Variants in FAM193A observed in about 807,000 individuals in gnomAD.
FAM193A encodes protein FAM193A.
A neutral mutation model predicts 126.5 loss-of-function variants in FAM193A; 22 were observed. The observed-to-expected ratio is 0.17, with a 90% CI of 0.12 to 0.25. The LOEUF is 0.25. Among genes scored for constraint, FAM193A ranks in the 10% least tolerant of loss-of-function variants. FAM193A has a pLI of 1.00. For missense variants in FAM193A, 1,675 were observed against 1,672.8 expected, an observed-to-expected ratio of 1.00 and a Z score of -0.02; for synonymous variants, 761 against 646.8, an observed-to-expected ratio of 1.18 and a Z score of -2.68.
chr4:2,696,184 CT>C (rs1342966366), intron 17 of FAM193A, 178 bp from the exon 18 acceptor site: 4 of 551,406 alleles, frequency 7.3e-6, no homozygotes, highest in Non-Finnish European at 3.2e-6. Flanking sequence ...CAAAATGCCA[CT>C]TTTGGGTGAC....
intron 1 of FAM193A, among the ~76,000 whole-genome samples, chr4:2,544,677 C>G (rs1299085683): frequency 6.6e-6 from 1 of 152,010 alleles, no homozygotes; most frequent in African/African-American, 2.4e-5. Flanking sequence ...GCACTCCAGA[C>G]TGGGTGACAG....
intron 1 of FAM193A, among the ~76,000 whole-genome samples, chr4:2,589,989 G>T (rs1262953703): frequency 6.6e-6 from 1 of 151,812 alleles, no homozygotes; most frequent in Non-Finnish European, 1.5e-5. Context: ...ACAAAAACTA[G>T]CCGGGCATGG....
intron 6 of FAM193A, among the ~76,000 whole-genome samples, chr4:2,643,829 G>A (rs1011994630): frequency 3.9e-5 from 6 of 152,200 alleles, no homozygotes; most frequent in Admixed American, 2.6e-4. Context: ...AGGCCAAGGC[G>A]TAGGCGGGGG....
At position 2,540,758 on chromosome 4, in the gene FAM193A, C is replaced by T. The variant is rs564068009; in HGVS notation, c.255+3588C>T. Among the ~76,000 whole-genome samples the T allele has an allele frequency of 2.6e-5, 4 of 151,740 alleles. No individual in the cohort carries two copies. The South Asian group carries it at 8.4e-4, about 32-fold the overall frequency. On this transcript the variant is annotated intron_variant, in intron 1 of 20. Coordinates refer to ENST00000637812, the MANE Select transcript of FAM193A (RefSeq NM_001366318.2). ...GGTGGATCACCTGAGGTTAGGAGTT[C>T]CAGACCAGCCTGGCCAATGTGATGA... is the stretch of plus-strand genomic sequence containing the variant.
chr4:2,537,123 G>A lies in FAM193A; in HGVS notation c.208G>A (p.Gly70Ser), dbSNP rs933028082. 5.5e-6 allele frequency: 1 copy of A among 181,276 alleles called. No homozygotes were observed. Among genetic ancestry groups the A allele is most frequent in the Admixed American group, 6.4e-5 (1 of 15,602 alleles). 11.2% of individuals were successfully genotyped at this position (181,276 alleles called of 1,614,324 possible). The change falls in exon 1 of 21, where the codon GGC becomes AGC. Residue 70 changes from glycine to serine, a missense_variant. Around this residue, in one of 4 missense-constraint regions of FAM193A, gnomAD observed 1,186 missense variants for 1,109.2 expected, o/e 1.07. Coordinates refer to ENST00000637812, the MANE Select transcript of FAM193A (RefSeq NM_001366318.2). ...CGCGGCGGCGGCCAACGGGCCTCTC[G>A]GCGCGGGCGCGAGCGCGGGCGGCGC... ...GGAAAANGPL[G>S]AGASAGGAAP...
At chr4:2,621,215 T>C (rs1241773945) in intron 2 of FAM193A, among the ~76,000 whole-genome samples, 5 of 152,112 alleles carry the variant, frequency 3.3e-5, no homozygotes. Context: ...CCTCCACCCA[T>C]AGGACCACAC....
intron 1 of FAM193A, among the ~76,000 whole-genome samples, chr4:2,574,259 CT>C (rs1043736763): frequency 6.6e-6 from 1 of 151,974 alleles, no homozygotes; most frequent in African/African-American, 2.4e-5. Flanking sequence ...CGAGGGGTCT[CT>C]TCTGTGGAAC....
intron 2 of FAM193A, among the ~76,000 whole-genome samples, chr4:2,597,485 T>A (rs1474919103): frequency 6.6e-6 from 1 of 152,170 alleles, no homozygotes; most frequent in East Asian, 1.9e-4. Context: ...GGAACAGGCT[T>A]CTGCTGTTTG....
At chr4:2,641,368 C>T (rs1455514874) in intron 6 of FAM193A, among the ~76,000 whole-genome samples, 2 of 151,820 alleles carry the variant, frequency 1.3e-5, no homozygotes, top group Non-Finnish European at 2.9e-5. Flanking sequence ...TCTTAAAATC[C>T]GTATATTAGG....
intron 6 of FAM193A, 33 bp downstream of exon 6, chr4:2,639,892 G>A (rs1373156499): frequency 3.7e-6 from 6 of 1,601,674 alleles, no homozygotes; most frequent in Non-Finnish European, 5.1e-6. Flanking sequence ...TGTCTTTGTG[G>A]TGTGACAGCA....
chr4:2,535,536 G>C (rs1736830741), upstream of FAM193A, among the ~76,000 whole-genome samples: 1 of 152,242 alleles, frequency 6.6e-6, no homozygotes, highest in Admixed American at 6.5e-5. Context: ...TCTGTGGTAA[G>C]CGGGGCCCTC....
chr4:2,659,749 TAGAG>T (rs1712179831), intron 9 of FAM193A, 59 bp from the exon 10 acceptor site: 2 of 1,613,654 alleles, frequency 1.2e-6, no homozygotes, highest in African/African-American at 1.3e-5. Flanking sequence ...AACCGACCCT[TAGAG>T]AGCATGGTCT....
At chr4:2,618,572 T>A (rs1742345679) in intron 2 of FAM193A, among the ~76,000 whole-genome samples, 1 of 141,304 alleles carries the variant, frequency 7.1e-6, no homozygotes, top group Admixed American at 7.1e-5. Context: ...GGATTATAGG[T>A]GCCCGCCACC....
At chr4:2,695,982 C>T (rs897097685) in intron 17 of FAM193A, among the ~76,000 whole-genome samples, 1 of 151,974 alleles carries the variant, frequency 6.6e-6, no homozygotes, top group East Asian at 1.9e-4. Context: ...GAGCTATGAT[C>T]GCACCACTGC....
At chr4:2,691,136 A>G (rs943950731) in intron 15 of FAM193A, among the ~76,000 whole-genome samples, 166 bp downstream of exon 15, 2 of 152,206 alleles carry the variant, frequency 1.3e-5, no homozygotes, top group African/African-American at 4.8e-5. Context: ...CTGATCCCCT[A>G]GGACTTTGAT....
chr4:2,668,830 C>CTTTTCTTTTCCTTTTTCTTTTCCT (rs527253828), intron 12 of FAM193A, among the ~76,000 whole-genome samples: 6 of 141,752 alleles, frequency 4.2e-5, no homozygotes, highest in Admixed American at 1.4e-4. Flanking sequence ...TTTCCTTTTC[C>CTTTTCTTTTCCTTTTTCTTTTCCT]TTTTCTTTTC....
intron 2 of FAM193A, among the ~76,000 whole-genome samples, chr4:2,616,944 G>A (rs1447182809): frequency 1.4e-5 from 2 of 146,074 alleles, no homozygotes; most frequent in African/African-American, 4.9e-5. Context: ...TGAGGCGGGC[G>A]GATTACCCAA....
At chr4:2,700,655 C>G in intron 19 of FAM193A, 111 bp downstream of exon 19, 2 of 1,364,424 alleles carry the variant, frequency 1.5e-6, no homozygotes, top group Non-Finnish European at 2.0e-6. Flanking sequence ...TGTGGCCTCC[C>G]TCCTGTAGAA....
intron 1 of FAM193A, among the ~76,000 whole-genome samples, chr4:2,565,984 A>G (rs1186447674): frequency 6.6e-6 from 1 of 152,210 alleles, no homozygotes; most frequent in East Asian, 1.9e-4. Flanking sequence ...AGTATTTTTG[A>G]GAAAAAGAAA....
Sources: gnomAD v4.1 joint callset for allele counts (sites outside exome capture counted in the v4.1 genomes callset) on GRCh38, gnomAD v4.1.1 for gene constraint, gnomAD v4.1.1 regional missense constraint, MANE v1.5 for transcripts, NCBI Gene and HGNC (gene_info 2026-07-23, HGNC 2026-07-21) for gene names.